KCNMB2: variants seen among roughly 807,000 people sequenced by gnomAD.
The protein encoded by KCNMB2 is potassium calcium-activated channel subfamily M regulatory beta subunit 2, also known as calcium-activated potassium channel subunit beta-2.
KCNMB2 carries 9 observed loss-of-function variants against 24.5 expected under a neutral mutation model. The ratio of observed to expected loss-of-function variants is 0.37; its 90% CI spans 0.22 to 0.64. The LOEUF (loss-of-function observed/expected upper bound fraction) is 0.64. Among genes scored for constraint, KCNMB2 ranks in the 30% least tolerant of loss-of-function variants. The pLI, the probability that KCNMB2 is intolerant of heterozygous loss-of-function variation, is 0.63. For missense variants in KCNMB2, 226 were observed against 284.3 expected, an observed-to-expected ratio of 0.79 and a Z score of 1.47; for synonymous variants, 109 against 104.4, an observed-to-expected ratio of 1.04 and a Z score of -0.27.
chr3:178,823,996 G>A (rs1055621935), intron 2 of KCNMB2, among the ~76,000 whole-genome samples: 3 of 152,058 alleles, frequency 2.0e-5, no homozygotes, highest in East Asian at 3.9e-4. Context: ...AAAGGCCAGC[G>A]ATTTTCCCAT....
intron 1 of KCNMB2, among the ~76,000 whole-genome samples, chr3:178,541,431 C>T (rs776292830): frequency 2.0e-5 from 3 of 152,050 alleles, no homozygotes; most frequent in Non-Finnish European, 2.9e-5. Flanking sequence ...TGTACAAGCC[C>T]CAGTAGCCTG....
intron 1 of KCNMB2, among the ~76,000 whole-genome samples, chr3:178,664,443 G>A (rs760837245): frequency 7.2e-5 from 11 of 151,924 alleles, no homozygotes; most frequent in South Asian, 2.1e-4. Flanking sequence ...AAACAACCTG[G>A]GCATGCACTC....
At chr3:178,584,030 G>A (rs1717319701) in intron 1 of KCNMB2, among the ~76,000 whole-genome samples, 1 of 152,228 alleles carries the variant, frequency 6.6e-6, no homozygotes, top group Non-Finnish European at 1.5e-5. Context: ...TTTTTGTCAT[G>A]TTTTGTAATG....
chr3:178,556,356 T>C (rs548213304), intron 1 of KCNMB2, among the ~76,000 whole-genome samples: 1 of 152,270 alleles, frequency 6.6e-6, no homozygotes, highest in Admixed American at 6.5e-5. Flanking sequence ...TGTAGAACAG[T>C]AAGAAGCAGC....
At chr3:178,674,837 GC>G (rs1721019643) in intron 1 of KCNMB2, among the ~76,000 whole-genome samples, 1 of 152,070 alleles carries the variant, frequency 6.6e-6, no homozygotes, top group Non-Finnish European at 1.5e-5. Flanking sequence ...AGCCACAATG[GC>G]CCCCTTGCCA....
intron 1 of KCNMB2, among the ~76,000 whole-genome samples, chr3:178,739,771 CAAGTAGGCCTA>C (rs1210814341): frequency 6.6e-6 from 1 of 152,054 alleles, no homozygotes; most frequent in Non-Finnish European, 1.5e-5. Context: ...AGAGGTGGTG[CAAGTAGGCCTA>C]AAGCATAAAA....
intron 1 of KCNMB2, among the ~76,000 whole-genome samples, chr3:178,550,845 T>C (rs1001220195): frequency 6.6e-5 from 10 of 152,196 alleles, no homozygotes; most frequent in Non-Finnish European, 4.4e-5. Context: ...AAATCATGTA[T>C]GCCACGTGGC....
At chr3:178,747,615 C>G (rs1723712740) in intron 1 of KCNMB2, among the ~76,000 whole-genome samples, 1 of 152,196 alleles carries the variant, frequency 6.6e-6, no homozygotes, top group South Asian at 2.1e-4. Context: ...TAATAAGAAT[C>G]TACATCCATT....
chr3:178,813,409 T>G (rs958132911), intron 2 of KCNMB2, among the ~76,000 whole-genome samples: 2 of 152,204 alleles, frequency 1.3e-5, no homozygotes, highest in Non-Finnish European at 2.9e-5. Flanking sequence ...ATACCTCTTA[T>G]GTTATATATG....
At chr3:178,600,273 A>G (rs776613716) in intron 1 of KCNMB2, among the ~76,000 whole-genome samples, 4 of 152,186 alleles carry the variant, frequency 2.6e-5, no homozygotes, top group Admixed American at 6.5e-5. Context: ...TGAATATTCC[A>G]TTGTGTATAT....
intron 1 of KCNMB2, among the ~76,000 whole-genome samples, chr3:178,788,785 A>G (rs964460368): frequency 2.4e-4 from 36 of 152,212 alleles, no homozygotes; most frequent in African/African-American, 8.7e-4. Context: ...TTATTTATGA[A>G]CATGCCTAAC....
chr3:178,784,794 T>C (rs1425799275), intron 1 of KCNMB2, among the ~76,000 whole-genome samples: 1 of 151,396 alleles, frequency 6.6e-6, no homozygotes, highest in Non-Finnish European at 1.5e-5. Flanking sequence ...TTTTCCTTTA[T>C]CTGCTTAGTG....
chr3:178,573,746 C>CAAAAAA (rs11348394), intron 1 of KCNMB2, among the ~76,000 whole-genome samples: 2 of 78,986 alleles, frequency 2.5e-5, no homozygotes, highest in African/African-American at 5.3e-5. Flanking sequence ...GACCCTGTCT[C>CAAAAAA]AAAAAAAAAA....
At chr3:178,736,769 C>CA (rs1477940639) in intron 1 of KCNMB2, among the ~76,000 whole-genome samples, 1 of 152,100 alleles carries the variant, frequency 6.6e-6, no homozygotes, top group Non-Finnish European at 1.5e-5. Flanking sequence ...TTAAAGCTAA[C>CA]AAAAAATGTT....
At chr3:178,772,013 G>A (rs540136518) in intron 1 of KCNMB2, among the ~76,000 whole-genome samples, 40 of 151,708 alleles carry the variant, frequency 2.6e-4, no homozygotes, top group African/African-American at 8.9e-4. Flanking sequence ...TTACTTACTC[G>A]CCTCTAGCTA....
At chr3:178,654,923 C>T (rs1223575599) in intron 1 of KCNMB2, among the ~76,000 whole-genome samples, 1 of 152,104 alleles carries the variant, frequency 6.6e-6, no homozygotes, top group African/African-American at 2.4e-5. Context: ...TCAGTTTTCT[C>T]ATTTGTAACA....
chr3:178,580,232 A>G (rs1717148674), intron 1 of KCNMB2, among the ~76,000 whole-genome samples: 1 of 152,228 alleles, frequency 6.6e-6, no homozygotes, highest in South Asian at 2.1e-4. Context: ...GCAAATCAAT[A>G]AACTTAATCC....
intron 2 of KCNMB2, among the ~76,000 whole-genome samples, chr3:178,819,365 G>A (rs1050430197): frequency 1.3e-5 from 2 of 151,920 alleles, no homozygotes; most frequent in African/African-American, 4.8e-5. Flanking sequence ...TTTACAGGGG[G>A]GCCAGATTTA....
intron 1 of KCNMB2, among the ~76,000 whole-genome samples, chr3:178,755,055 A>G (rs1723984549): frequency 6.6e-6 from 1 of 152,214 alleles, no homozygotes; most frequent in Non-Finnish European, 1.5e-5. Context: ...AGGCTCCCCT[A>G]CCGCATCTAG....
Sources: gnomAD v4.1 joint callset for allele counts (sites outside exome capture counted in the v4.1 genomes callset) on GRCh38, gnomAD v4.1.1 for gene constraint, MANE v1.5 for transcripts, NCBI Gene and HGNC (gene_info 2026-07-23, HGNC 2026-07-21) for gene names.